GON4L: variants seen among roughly 807,000 people sequenced by gnomAD.
The protein encoded by GON4L is GON-4-like protein.
Under a neutral mutation model 211.8 loss-of-function variants are expected in GON4L, and 87 were observed. The observed-to-expected ratio is 0.41, with a 90% confidence interval of 0.35 to 0.49. The LOEUF (loss-of-function observed/expected upper bound fraction) is 0.49. GON4L is among the 20% of genes least tolerant of loss of function. GON4L has a pLI of 0.15. For synonymous variants in GON4L, 875 were observed against 962.6 expected (o/e 0.91, Z 1.68); for missense variants, 2,155 against 2,659.5 (o/e 0.81, Z 4.17).
At chr1:155,758,251 C>G (rs1206615890) in intron 24 of GON4L, among the ~76,000 whole-genome samples, 2 of 152,036 alleles carry the variant, frequency 1.3e-5, no homozygotes, top group Admixed American at 6.6e-5. Flanking sequence ...AAGATGTGAG[C>G]AACAGCTTCA....
At chr1:155,809,465 A>C (rs1365180072) in intron 10 of GON4L, among the ~76,000 whole-genome samples, 1 of 150,228 alleles carries the variant, frequency 6.7e-6, no homozygotes, top group African/African-American at 2.4e-5. Context: ...CATACTCCAA[A>C]GCATGGTGAT....
intron 2 of GON4L, among the ~76,000 whole-genome samples, chr1:155,842,259 TCACGC>T (rs1425286666): frequency 1.9e-4 from 29 of 152,168 alleles, no homozygotes; most frequent in Non-Finnish European, 2.4e-4. Context: ...GGGTGGTGGC[TCACGC>T]CTGTAATCCC....
chr1:155,855,500 T>A (rs1434493631), intron 1 of GON4L, among the ~76,000 whole-genome samples: 2 of 151,964 alleles, frequency 1.3e-5, no homozygotes, highest in Non-Finnish European at 2.9e-5. Context: ...GGGATTACGG[T>A]CCCATCCAAG....
chr1:155,853,555 T>C lies in GON4L; in HGVS notation c.226A>G (p.Thr76Ala). ...GTGAGCATTCCAGAGCTCAGAGATGTATCCTCCATACCAAGCTGATTTCCT... is the reference window on the plus strand; with the variant it reads ...GTGAGCATTCCAGAGCTCAGAGATGCATCCTCCATACCAAGCTGATTTCCT... ...DAGNQLGMED[T>A]SLSSGMLTQN... is the part of the protein sequence containing the mutation. Residue 76 changes from threonine (T) to alanine (A), a missense_variant, in exon 2 of 32, where the codon ACA becomes GCA. By Grantham distance (58) the Thr-to-Ala change is moderately conservative. Coordinates refer to ENST00000368331, the MANE Select transcript of GON4L (RefSeq NM_001282860.2). 1 of 1,614,230 alleles carries C rather than the reference T, an allele frequency of 6.2e-7. No individual in the cohort carries two copies. Among genetic ancestry groups the C allele is most frequent in the African/African-American group, 1.3e-5 (1 of 75,074 alleles).
At chr1:155,858,654 A>T (rs1765282), upstream of GON4L, among the ~76,000 whole-genome samples, 1,221 of 120,568 alleles carry the variant, frequency 0.01, no homozygotes, top group Non-Finnish European at 0.013. Context: ...TTTTTTTTTT[A>T]AACAGCTTTG....
chr1:155,750,788 G>A (rs1244655203), intron 31 of GON4L, 55 bp from the exon 32 acceptor site: 3 of 1,507,686 alleles, frequency 2.0e-6, no homozygotes, highest in Non-Finnish European at 2.7e-6. Flanking sequence ...TTTTGAGACG[G>A]AGTCTCTCTC....
chr1:155,811,306 G>GATGT (rs1046048637), intron 10 of GON4L, among the ~76,000 whole-genome samples: 1 of 129,656 alleles, frequency 7.7e-6, no homozygotes, highest in Non-Finnish European at 1.6e-5. Context: ...GCAGTAGAAT[G>GATGT]ATGTGAACCT....
At chr1:155,835,596 T>A (rs1169524777) in intron 2 of GON4L, among the ~76,000 whole-genome samples, 1 of 152,100 alleles carries the variant, frequency 6.6e-6, no homozygotes, top group Non-Finnish European at 1.5e-5. Context: ...TTTTCGTCAT[T>A]TGGTATGGGG....
chr1:155,756,722 C>T (rs1396487550), intron 27 of GON4L: 14 of 446,578 alleles, frequency 3.1e-5, no homozygotes, highest in South Asian at 9.1e-5. Flanking sequence ...GTAAGGAGTT[C>T]GAGACCAGCC....
At chr1:155,809,023 C>T (rs1667431637) in intron 10 of GON4L, among the ~76,000 whole-genome samples, 1 of 152,084 alleles carries the variant, frequency 6.6e-6, no homozygotes, top group Non-Finnish European at 1.5e-5. Context: ...AATCAATCCT[C>T]CTGCTTCAGC....
At position 155,816,045 on chromosome 1, in the gene GON4L, T is replaced by G. The variant is rs1571844742; in HGVS notation, c.1066-145A>C. 5.5e-5 allele frequency: 39 copies of G among 705,024 alleles called. 1 individual carries two copies. In the South Asian group the frequency reaches 6.1e-4, roughly 11 times the overall value. 43.7% of individuals were successfully genotyped at this position (705,024 alleles called of 1,614,324 possible). A position where few individuals can be genotyped will look rare whatever the true frequency, so the allele number is the denominator to read the frequency against. On this transcript the variant is annotated intron_variant, in intron 7 of 31. Coordinates refer to ENST00000368331, the MANE Select transcript of GON4L (RefSeq NM_001282860.2). ...TAAAGCAAATAACACGAGGCAGAGG[T>G]TAAAGTGAATTCCATGAGATACAAA...
At chr1:155,835,058 T>G (rs773908672) in intron 2 of GON4L, among the ~76,000 whole-genome samples, 11 of 152,058 alleles carry the variant, frequency 7.2e-5, no homozygotes, top group South Asian at 2.1e-4. Flanking sequence ...GGGGAAAAGA[T>G]TGAGAAATTG....
At position 155,789,808 on chromosome 1, in the gene GON4L, A is replaced by C. The variant is rs140181813; in HGVS notation, c.1748-4434T>G. Among the ~76,000 whole-genome samples the C allele has an allele frequency of 1.4e-3, 212 of 152,228 alleles. 1 individual carries two copies. Among genetic ancestry groups the C allele is most frequent in the African/African-American group, 4.9e-3 (202 of 41,540 alleles). On this transcript the variant is annotated intron_variant, in intron 12 of 31. Coordinates refer to ENST00000368331, the MANE Select transcript of GON4L (RefSeq NM_001282860.2). ...TATCCATGGATACCAAAATCTGAGG[A>C]TGCTCAAGTCCCTTATATAAAAATG...
At position 155,814,332 on chromosome 1, in the gene GON4L, C is replaced by G; in HGVS notation, c.1279G>C (p.Glu427Gln). 6.2e-7 allele frequency: 1 copy of G among 1,613,042 alleles called. No homozygotes were observed. Among genetic ancestry groups the G allele is most frequent in the Non-Finnish European group, 8.5e-7 (1 of 1,179,282 alleles). The change falls in exon 9 of 32, where the codon GAG (glutamate) becomes CAG (glutamine). Residue 427 changes from glutamate (E) to glutamine (Q), a missense_variant and splice_region_variant. Glu to Gln is a conservative substitution (Grantham distance 29). Around this residue, in one of 6 missense-constraint regions of GON4L, gnomAD observed 551 missense variants for 854.0 expected, o/e 0.65. Transcript: ENST00000368331. ...TCTTTTGTATGATGCCGATTTACCT[C>G]TGATAATATGCCACTCTCCTCATCT... ...ETDEESGILS[E>Q]AEKVTTPAIR...
At chr1:155,745,397 T>C (rs1660219007), downstream of GON4L, among the ~76,000 whole-genome samples, 1 of 152,162 alleles carries the variant, frequency 6.6e-6, no homozygotes, top group Non-Finnish European at 1.5e-5. Flanking sequence ...TGAGGGGGCA[T>C]GGGAGGCTTT....
At chr1:155,767,327 A>G (rs202234781) in intron 20 of GON4L, 98 bp downstream of exon 20, 431 of 1,612,754 alleles carry the variant, frequency 2.7e-4, no homozygotes, top group Middle Eastern at 2.5e-3. Context: ...TCCTAGTTCT[A>G]CAACTAAAGC....
chr1:155,770,011 C>T (rs1319983881), intron 19 of GON4L, among the ~76,000 whole-genome samples: 3 of 102,904 alleles, frequency 2.9e-5, no homozygotes, highest in African/African-American at 3.9e-5. Context: ...AATATAGGGA[C>T]ACTCCATTTC....
At chr1:155,820,111 A>C (rs1668605278) in intron 6 of GON4L, among the ~76,000 whole-genome samples, 1 of 152,034 alleles carries the variant, frequency 6.6e-6, no homozygotes. Context: ...ACAGAGTTTC[A>C]CTATGTTGGC....
chr1:155,811,977 A>G (rs1667832098), intron 10 of GON4L, among the ~76,000 whole-genome samples: 1 of 151,388 alleles, frequency 6.6e-6, no homozygotes, highest in Admixed American at 6.6e-5. Context: ...ACTTGAACCC[A>G]GGAAGCAGAG....
Sources: gnomAD v4.1 joint callset for allele counts (sites outside exome capture counted in the v4.1 genomes callset) on GRCh38, gnomAD v4.1.1 for gene constraint, gnomAD v4.1.1 regional missense constraint, MANE v1.5 for transcripts, NCBI Gene and HGNC (gene_info 2026-07-23, HGNC 2026-07-21) for gene names.